The following POC1B variants were observed in gnomAD, a reference collection of about 807,000 sequenced individuals.
The protein encoded by POC1B is POC1 centriolar protein homolog B.
Under a neutral mutation model 60.6 loss-of-function variants are expected in POC1B, and 44 were observed. The observed-to-expected ratio is 0.73, with a 90% CI of 0.57 to 0.93. POC1B has a LOEUF of 0.93. Ranked by LOEUF, POC1B falls within the 40% of genes least tolerant of loss-of-function variation. POC1B has a pLI of 0.00. For missense variants in POC1B, 555 were observed against 572.3 expected, an observed-to-expected ratio of 0.97 and a Z score of 0.31; for synonymous variants, 180 against 198.9, an observed-to-expected ratio of 0.90 and a Z score of 0.80.
chr12:89,429,697 C>G (rs1436148010), intron 10 of POC1B, among the ~76,000 whole-genome samples: 1 of 152,122 alleles, frequency 6.6e-6, no homozygotes, highest in South Asian at 2.1e-4. Flanking sequence ...GGGCCCAAAT[C>G]CCCCACAATG....
chr12:89,476,979 T>C (rs1592613486), intron 4 of POC1B, among the ~76,000 whole-genome samples: 1 of 152,026 alleles, frequency 6.6e-6, no homozygotes, highest in South Asian at 2.1e-4. Flanking sequence ...CAGTAAAAAG[T>C]AGTGGAAATA....
chr12:89,503,119 ACGGTC>A lies in POC1B; in HGVS notation c.101-5782_101-5778del, dbSNP rs1592633177. ...TCCCTATCCCTATCCCTCTCTCCCC[ACGGTC>A]TCCCTCTCCCTCTCTTTCCACAGTC... is the stretch of plus-strand genomic sequence containing the variant. On this transcript the variant is annotated intron_variant, in intron 2 of 11. Coordinates refer to ENST00000313546, the MANE Select transcript of POC1B (RefSeq NM_172240.3). Among the ~76,000 whole-genome samples the A allele has an allele frequency of 7.1e-5, 8 of 112,456 alleles. No homozygotes were observed. In the East Asian group the frequency reaches 2.8e-3, roughly 39 times the overall value. The allele number at this position is 112,456 out of a possible 152,430, so 73.8% of individuals were successfully genotyped here.
intron 6 of POC1B, among the ~76,000 whole-genome samples, chr12:89,470,705 C>T (rs1312123829): frequency 1.3e-5 from 2 of 152,188 alleles, no homozygotes. Flanking sequence ...GAGACTGTGT[C>T]ACGGAAAGGT....
At chr12:89,451,043 T>C (rs1166139695) in intron 10 of POC1B, among the ~76,000 whole-genome samples, 2 of 152,118 alleles carry the variant, frequency 1.3e-5, no homozygotes, top group South Asian at 2.1e-4. Context: ...ATTGGATTAT[T>C]AGAAACTAGA....
chr12:89,500,337 A>T, intron 2 of POC1B: 1 of 1,513,348 alleles, frequency 6.6e-7, no homozygotes, highest in Non-Finnish European at 9.2e-7. Flanking sequence ...CAGAAATCAC[A>T]TCCAAAGTCA....
intron 10 of POC1B, among the ~76,000 whole-genome samples, chr12:89,447,650 T>C (rs930675504): frequency 5.9e-5 from 9 of 152,136 alleles, no homozygotes; most frequent in African/African-American, 1.4e-4. Context: ...CCAGAATGCA[T>C]AGTTCTGAAT....
chr12:89,456,011 TGTTGTTG>T (rs1329558091), intron 10 of POC1B, among the ~76,000 whole-genome samples: 3 of 149,254 alleles, frequency 2.0e-5, no homozygotes, highest in African/African-American at 7.6e-5. Context: ...TCTTTTTTGT[TGTTGTTG>T]TTGTTGTTGT....
At chr12:89,463,685 G>A (rs531384504) in intron 9 of POC1B, among the ~76,000 whole-genome samples, 10 of 152,324 alleles carry the variant, frequency 6.6e-5, no homozygotes, top group African/African-American at 2.4e-4. Flanking sequence ...TCTGTAGTTA[G>A]ATAAGTAGGA....
At chr12:89,506,397 G>C (rs1869897855) in intron 2 of POC1B, among the ~76,000 whole-genome samples, 1 of 152,212 alleles carries the variant, frequency 6.6e-6, no homozygotes, top group African/African-American at 2.4e-5. Flanking sequence ...TTCTCTGTTA[G>C]TAGTAACTTA....
chr12:89,523,083 A>C, intron 2 of POC1B: 1 of 1,613,892 alleles, frequency 6.2e-7, no homozygotes, highest in Non-Finnish European at 8.5e-7. Context: ...CTTTGTTTGA[A>C]GTATATTCAA....
the POC1B span, among the ~76,000 whole-genome samples, chr12:89,413,795 T>C: frequency 6.6e-6 from 1 of 152,184 alleles, no homozygotes; most frequent in African/African-American, 2.4e-5. Context: ...TTATTACCTT[T>C]GTATTGTGTG....
chr12:89,501,437 A>C (rs903320335), intron 2 of POC1B: 1 of 950,586 alleles, frequency 1.1e-6, no homozygotes, highest in East Asian at 2.4e-5. Context: ...GAAAACATAC[A>C]TATGTCACAT....
At chr12:89,514,382 T>C (rs1244950058) in intron 2 of POC1B, among the ~76,000 whole-genome samples, 9 of 146,806 alleles carry the variant, frequency 6.1e-5, no homozygotes, top group Non-Finnish European at 1.3e-4. Context: ...TCTTTATAAG[T>C]TACTCAGTTT....
At chr12:89,438,375 T>G (rs1432461183) in intron 10 of POC1B, among the ~76,000 whole-genome samples, 1 of 151,688 alleles carries the variant, frequency 6.6e-6, no homozygotes, top group Non-Finnish European at 1.5e-5. Context: ...GAGAATGGCG[T>G]GAAGCCGGGA....
At chr12:89,425,003 T>C (rs887992516) in intron 11 of POC1B, among the ~76,000 whole-genome samples, 158 bp downstream of exon 11, 1 of 152,184 alleles carries the variant, frequency 6.6e-6, no homozygotes, top group African/African-American at 2.4e-5. Context: ...TCTGAGCTTA[T>C]CTCTACAAGA....
intron 4 of POC1B, among the ~76,000 whole-genome samples, chr12:89,473,666 GA>G (rs1163868772): frequency 0.018 from 1,934 of 109,210 alleles, 35 homozygotes; most frequent in African/African-American, 0.064. Context: ...CCTCAGAAAA[GA>G]AAAAAAAAAA....
intron 10 of POC1B, among the ~76,000 whole-genome samples, chr12:89,441,923 G>A (rs965399272): frequency 3.3e-5 from 5 of 152,116 alleles, no homozygotes; most frequent in African/African-American, 1.2e-4. Flanking sequence ...TTTATGACCT[G>A]ATAGAGCTGA....
At chr12:89,450,108 A>C (rs1881980158) in intron 10 of POC1B, among the ~76,000 whole-genome samples, 1 of 152,234 alleles carries the variant, frequency 6.6e-6, no homozygotes, top group South Asian at 2.1e-4. Context: ...AGTTTTAAAA[A>C]AGGTAATGCA....
intron 2 of POC1B, among the ~76,000 whole-genome samples, chr12:89,504,941 C>CA (rs974476685): frequency 1.2e-4 from 18 of 151,404 alleles, no homozygotes; most frequent in East Asian, 3.9e-4. Context: ...TCCATCTCTA[C>CA]AAAAAAAATA....
Sources: gnomAD v4.1 joint callset for allele counts (sites outside exome capture counted in the v4.1 genomes callset) on GRCh38, gnomAD v4.1.1 for gene constraint, MANE v1.5 for transcripts, NCBI Gene and HGNC (gene_info 2026-07-23, HGNC 2026-07-21) for gene names.